The following MYOM2 variants were observed in gnomAD, a reference collection of about 807,000 sequenced individuals.
The protein encoded by MYOM2 is myomesin-2.
In MYOM2, 254 loss-of-function variants were observed where a neutral mutation model predicts 187.6. The observed-to-expected ratio is 1.35, with a 90% CI of 1.22 to 1.50. MYOM2 has a LOEUF of 1.50. Ranked by LOEUF, MYOM2 falls within the 40% of genes most tolerant of loss-of-function variation. The pLI is 0.00. For synonymous variants in MYOM2, 981 were observed against 753.8 expected (o/e 1.30, Z -4.94); for missense variants, 2,796 against 1,924.0 (o/e 1.45, Z -8.48).
chr8:2,109,440 G>A lies in MYOM2; in HGVS notation c.3089G>A (p.Gly1030Glu), dbSNP rs1343581637. Residue 1030 changes from glycine to glutamate, a missense_variant, in exon 25 of 37, where the codon GGG (glycine) becomes GAG (glutamate). Transcript: ENST00000262113. The part of the protein sequence containing the change: ...SELAYEIFDK[G>E]RVRFWLQAEH... ...TTAGCTTATGAGATTTTTGATAAGG[G>A]GCGGGTTCGCTTCTGGCTCCAGGCT... 1.9e-6 allele frequency: 3 copies of A among 1,612,328 alleles called. No individual in the cohort carries two copies. The highest frequency in any genetic ancestry group is 2.5e-6 in the Non-Finnish European group (3 of 1,179,258).
Position 2,143,411 on chromosome 8 carries a change from G to C in MYOM2, c.4035G>C (p.Arg1345Ser), listed in dbSNP as rs767699152. The C allele has an allele frequency of 6.2e-6, 10 of 1,614,204 alleles. No individual in the cohort carries two copies. In the South Asian group the frequency reaches 9.9e-5, roughly 16 times the overall value. ...GCTTTCCCGTTGCAGATCGTGGCAG[G>C]TTGATCGGCGGCTTGCCTGACGTGG... ...AAAFAEKNRG[R>S]LIGGLPDVVT... The change falls in exon 36 of 37, where the codon AGG (arginine) becomes AGC (serine). Residue 1345 changes from arginine (R) to serine (S), a missense_variant. Physicochemically the swap from Arg to Ser is moderately radical, Grantham distance 110. Transcript: ENST00000262113.
intron 6 of MYOM2, among the ~76,000 whole-genome samples, chr8:2,062,651 G>A (rs547443149): frequency 2.0e-4 from 31 of 152,204 alleles, no homozygotes; most frequent in Admixed American, 5.9e-4. Flanking sequence ...GAAAGTTGTG[G>A]GAGTTTTAAT....
At chr8:2,069,172 A>G (rs1243479319) in intron 6 of MYOM2, 106 bp from the exon 7 acceptor site, 13 of 1,095,886 alleles carry the variant, frequency 1.2e-5, no homozygotes, top group Non-Finnish European at 1.3e-6. Context: ...ATGAACAAAT[A>G]AACCACGCCA....
intron 6 of MYOM2, among the ~76,000 whole-genome samples, chr8:2,065,313 G>C (rs1818981109): frequency 6.6e-6 from 1 of 152,210 alleles, no homozygotes; most frequent in South Asian, 2.1e-4. Flanking sequence ...GCTCATGCCT[G>C]TAATCCCAGC....
chr8:2,065,836 G>A (rs1188429214), intron 6 of MYOM2, among the ~76,000 whole-genome samples: 3 of 151,990 alleles, frequency 2.0e-5, no homozygotes, highest in Non-Finnish European at 2.9e-5. Context: ...GTTGGGCTTC[G>A]TGCCTGACAG....
chr8:2,120,696 A>ATATATAAT (rs1491564842), intron 28 of MYOM2, among the ~76,000 whole-genome samples: 1 of 84,008 alleles, frequency 1.2e-5, no homozygotes, highest in Non-Finnish European at 2.3e-5. Context: ...ATAAATATAT[A>ATATATAAT]ATATATATAT....
rs750337755 is a variant in MYOM2 at position 2,140,819 on chromosome 8, A to G, written c.3897A>G (p.Gly1299=). The part of the protein sequence containing the change: ...QICEPTEKDK[G]KYTFEIFDGK... Reference sequence around the variant, plus strand: ...GTGAGCCGACTGAGAAGGATAAAGGAAAATACACTTTTGAGATTTTCGATG... The same window carrying G: ...GTGAGCCGACTGAGAAGGATAAAGGGAAATACACTTTTGAGATTTTCGATG... The change falls in exon 33 of 37, where the codon GGA becomes GGG. Residue 1299 remains glycine, a synonymous_variant. Transcript: ENST00000262113. 3.7e-6 allele frequency: 6 copies of G among 1,614,096 alleles called. No individual in the cohort carries two copies. The highest frequency in any genetic ancestry group is 5.1e-6 in the Non-Finnish European group (6 of 1,179,958).
chr8:2,142,277 G>C, intron 34 of MYOM2, 98 bp from the exon 35 acceptor site: 3 of 1,181,516 alleles, frequency 2.5e-6, no homozygotes, highest in Admixed American at 1.7e-5. Flanking sequence ...TTCTTCTTTT[G>C]CTTCATCGCT....
intron 20 of MYOM2, 91 bp from the exon 21 acceptor site, chr8:2,102,576 G>T: frequency 4.2e-6 from 3 of 711,020 alleles, no homozygotes; most frequent in South Asian, 2.4e-5. Flanking sequence ...AGCTATTTTT[G>T]AAAAGGCCCT....
At chr8:2,124,310 T>C (rs930170781) in intron 31 of MYOM2, 93 bp downstream of exon 31, 5 of 1,277,332 alleles carry the variant, frequency 3.9e-6, no homozygotes, top group Non-Finnish European at 2.2e-6. Context: ...GAGGGCACCA[T>C]GGAGCTGTGG....
In MYOM2 at chr8:2,109,395, C is replaced by A. The variant is rs760681285; in HGVS notation, c.3044C>A (p.Thr1015Lys). Residue 1015 changes from threonine (T) to lysine (K), a missense_variant and splice_region_variant, in exon 25 of 37, where the codon ACA becomes AAA. Thr to Lys is a moderately conservative substitution (Grantham distance 78, BLOSUM62 -1). Transcript: ENST00000262113. The part of the protein sequence containing the change: ...MALSNEIKNP[T>K]IPLKSELAYE... ...CTTGCGATTTCTTTTCTTCCTGTAGCAATTCCTCTGAAATCGGAATTAGCT... is the reference window on the plus strand; with the variant it reads ...CTTGCGATTTCTTTTCTTCCTGTAGAAATTCCTCTGAAATCGGAATTAGCT... The A allele has an allele frequency of 1.2e-6, 2 of 1,601,700 alleles. No individual in the cohort carries two copies. Among genetic ancestry groups the A allele is most frequent in the East Asian group, 2.3e-5 (1 of 44,324 alleles).
In MYOM2 at chr8:2,069,272, T is replaced by G. The variant is rs764176203; in HGVS notation, c.654-6T>G. On this transcript the variant is annotated splice_region_variant and splice_polypyrimidine_tract_variant and intron_variant, in intron 6 of 36. Coordinates refer to ENST00000262113, the MANE Select transcript of MYOM2 (RefSeq NM_003970.4). Reference sequence around the variant, plus strand: ...GCAGACTTTCTCTTGTTTTTTTCTCTCCAAGGGCAGACTTTGACGACACTG... The same window carrying G: ...GCAGACTTTCTCTTGTTTTTTTCTCGCCAAGGGCAGACTTTGACGACACTG... 9 of 1,609,088 alleles carry G rather than the reference T, an allele frequency of 5.6e-6. No individual in the cohort carries two copies. Among genetic ancestry groups the G allele is most frequent in the Non-Finnish European group, 6.8e-6 (8 of 1,177,140 alleles).
intron 6 of MYOM2, among the ~76,000 whole-genome samples, chr8:2,060,411 A>C (rs1042175206): frequency 6.6e-6 from 1 of 152,138 alleles, no homozygotes; most frequent in Non-Finnish European, 1.5e-5. Context: ...TGTTGTGTTT[A>C]TATATGTTTA....
At chr8:2,141,244 A>G in intron 34 of MYOM2, 67 bp downstream of exon 34, 2 of 1,433,786 alleles carry the variant, frequency 1.4e-6, no homozygotes, top group Non-Finnish European at 2.0e-6. Context: ...TTTTGGCTGC[A>G]TGTGGGAATC....
chr8:2,054,905 C>G lies in MYOM2; in HGVS notation c.264-2443C>G, dbSNP rs141332659. Among the ~76,000 whole-genome samples the G allele has an allele frequency of 1.4e-3, 173 of 126,330 alleles. 5 individuals are homozygous for G. The highest frequency in any genetic ancestry group is 4.4e-3 in the African/African-American group (167 of 38,296). The allele number at this position is 126,330 out of a possible 152,430, so 82.9% of individuals were successfully genotyped here. A position where few individuals can be genotyped will look rare whatever the true frequency, so the allele number is the denominator to read the frequency against. On this transcript the variant is annotated intron_variant, in intron 3 of 36. Coordinates refer to ENST00000262113, the MANE Select transcript of MYOM2 (RefSeq NM_003970.4). ...ACCTGGATACTGGGGAACCAAGTAC[C>G]TGGATACTGGGGAACCAAGTACCTG...
chr8:2,067,334 T>C (rs919879675), intron 6 of MYOM2, among the ~76,000 whole-genome samples: 14 of 152,216 alleles, frequency 9.2e-5, no homozygotes, highest in Non-Finnish European at 2.1e-4. Context: ...TTTGTGTTGT[T>C]TCTTTTCCCA....
rs5888888 is a variant in MYOM2, at chr8:2,131,643, CTTTT to C, written c.3800+2426_3800+2429del. Among the ~76,000 whole-genome samples, 12 of 113,936 alleles carry C rather than the reference CTTTT, an allele frequency of 1.1e-4. No homozygotes were observed. The South Asian group carries it at 2.6e-3, about 25-fold the overall frequency. The allele number at this position is 113,936 out of a possible 152,430, so 74.7% of individuals were successfully genotyped here. On this transcript the variant is annotated intron_variant, in intron 32 of 36. Coordinates refer to ENST00000262113, the MANE Select transcript of MYOM2 (RefSeq NM_003970.4). ...TATACAACAAAACAGGCATTTCTTT[CTTTT>C]TTTTTTTTTTTTTTGAGACAGAATC...
At chr8:2,078,390 C>T (rs1255050567) in intron 11 of MYOM2, among the ~76,000 whole-genome samples, 1 of 152,178 alleles carries the variant, frequency 6.6e-6, no homozygotes, top group East Asian at 1.9e-4. Context: ...TCACGTAAGT[C>T]GGAACAAGAA....
intron 3 of MYOM2, among the ~76,000 whole-genome samples, chr8:2,056,892 G>A (rs996698642): frequency 2.0e-4 from 31 of 152,192 alleles, no homozygotes; most frequent in Non-Finnish European, 5.9e-5. Context: ...TCTTTACTGA[G>A]CACCTGCTGC....
Sources: allele counts gnomAD v4.1 joint callset (sites outside exome capture counted in the v4.1 genomes callset), GRCh38; gene constraint gnomAD v4.1.1; transcripts MANE v1.5; gene names NCBI Gene and HGNC (gene_info 2026-07-23, HGNC 2026-07-21).